Variants in CHRDL1 observed in about 807,000 individuals in gnomAD.
CHRDL1 encodes chordin-like protein 1.
Under a neutral mutation model 40.9 loss-of-function variants are expected in CHRDL1, and 19 were observed. The ratio of observed to expected loss-of-function variants is 0.46; its 90% CI spans 0.32 to 0.68. The LOEUF (loss-of-function observed/expected upper bound fraction) is 0.68, where lower values mean the gene tolerates loss of function less well. Among genes scored for constraint, CHRDL1 ranks in the 30% least tolerant of loss-of-function variants. The pLI is 0.03. For synonymous variants in CHRDL1, 136 were observed against 123.4 expected (o/e 1.10, Z -0.68); for missense variants, 329 against 352.1 (o/e 0.93, Z 0.53).
At chrX:110,775,784 C>CT (rs894195009) in intron 2 of CHRDL1, among the ~76,000 whole-genome samples, 56 of 105,158 alleles carry the variant, frequency 5.3e-4, no homozygotes, top group Admixed American at 1.4e-3. Context: ...TTTTTTGTTA[C>CT]TTTTTTTTTT....
Position 110,783,669 on chromosome X carries a change from G to A in CHRDL1, c.94+8419C>T, listed in dbSNP as rs868355499. Among the ~76,000 whole-genome samples the A allele has an allele frequency of 1.9e-4, 21 of 111,827 alleles. No homozygotes were observed. In the Middle Eastern group the frequency reaches 0.014, roughly 74 times the overall value. ...GGAATTCCAACTAACTTGTGAGATG[G>A]ACCTTCAACCTGCAACATCACAGCT... is the stretch of plus-strand genomic sequence containing the variant. On this transcript the variant is annotated intron_variant, in intron 2 of 11. Coordinates refer to ENST00000372042, the MANE Select transcript of CHRDL1 (RefSeq NM_001143981.2).
intron 4 of CHRDL1, among the ~76,000 whole-genome samples, chrX:110,746,289 C>A (rs1424942712): frequency 3.6e-5 from 4 of 110,938 alleles, no homozygotes; most frequent in African/African-American, 1.3e-4. Flanking sequence ...AAGGTAGGAA[C>A]CAAACAGGAG....
intron 2 of CHRDL1, among the ~76,000 whole-genome samples, chrX:110,789,662 T>C (rs1313022332): frequency 1.8e-5 from 2 of 111,808 alleles, no homozygotes; most frequent in African/African-American, 6.5e-5. Context: ...GAAAAGTGTA[T>C]ATAATATCCT....
At chrX:110,700,590 C>A (rs184884038) in intron 7 of CHRDL1, 64 bp downstream of exon 7, 1 of 750,889 alleles carries the variant, frequency 1.3e-6, no homozygotes, top group African/African-American at 2.0e-5. Context: ...ATAGTAGCCA[C>A]GAGGAGAGGA....
chrX:110,721,605 C>T (rs1157811480), intron 4 of CHRDL1, 75 bp from the exon 5 acceptor site: 16 of 854,056 alleles, frequency 1.9e-5, no homozygotes, highest in East Asian at 3.1e-5. Context: ...CAACAGCAGA[C>T]GGGGCTGTAC....
chrX:110,770,473 A>C (rs1227363724), intron 2 of CHRDL1, among the ~76,000 whole-genome samples: 7 of 111,690 alleles, frequency 6.3e-5, no homozygotes, highest in Admixed American at 1.9e-4. Context: ...AAAGTCTCAA[A>C]TCAATATCTT....
intron 2 of CHRDL1, among the ~76,000 whole-genome samples, chrX:110,775,294 T>C (rs1272852039): frequency 9.0e-6 from 1 of 111,013 alleles, no homozygotes; most frequent in Non-Finnish European, 1.9e-5. Context: ...TGTCTATCCA[T>C]TGGGAGAGGT....
chrX:110,687,143 T>C (rs1458682525), intron 9 of CHRDL1, among the ~76,000 whole-genome samples: 1 of 111,103 alleles, frequency 9.0e-6, no homozygotes, highest in Non-Finnish European at 1.9e-5. Flanking sequence ...AAAATGCAGA[T>C]TATGATGCAG....
intron 4 of CHRDL1, among the ~76,000 whole-genome samples, chrX:110,749,225 T>C (rs908515147): frequency 1.8e-5 from 2 of 111,616 alleles, no homozygotes; most frequent in Non-Finnish European, 3.8e-5. Context: ...CTTGTGAATG[T>C]GAAGAAATCA....
At chrX:110,685,274 T>C (rs980850392) in intron 9 of CHRDL1, among the ~76,000 whole-genome samples, 10 of 111,995 alleles carry the variant, frequency 8.9e-5, no homozygotes, top group Non-Finnish European at 1.7e-4. Flanking sequence ...TCTTTCTTTT[T>C]TTGAGACAGG....
chrX:110,711,650 T>C (rs997182708), intron 6 of CHRDL1, among the ~76,000 whole-genome samples: 54 of 112,090 alleles, frequency 4.8e-4, no homozygotes, highest in African/African-American at 1.7e-3. Context: ...TCAGTTTTCT[T>C]TGATTTTGAA....
intron 4 of CHRDL1, among the ~76,000 whole-genome samples, chrX:110,754,814 C>T (rs957388661): frequency 4.5e-5 from 5 of 110,515 alleles, no homozygotes; most frequent in African/African-American, 1.6e-4. Flanking sequence ...TCCAGGAAAA[C>T]CCAAATTTAT....
chrX:110,697,412 C>G (rs1247438788), intron 7 of CHRDL1, among the ~76,000 whole-genome samples: 1 of 110,989 alleles, frequency 9.0e-6, no homozygotes, highest in Admixed American at 9.6e-5. Context: ...AATATGGGAT[C>G]TCTCTGTATT....
chrX:110,721,398 T>C lies in CHRDL1; in HGVS notation c.434A>G (p.Gln145Arg), dbSNP rs1350984805. ...GTAGGGTCTTACCGAACAGCTGCAC[T>C]GGGTGCATTGATTGGGTTGCCGATT... ...FQNRQPNQCT[Q>R]CSCSEGNVYC... Residue 145 changes from glutamine to arginine, a missense_variant, in exon 5 of 12, where the codon CAG (glutamine) becomes CGG (arginine). By Grantham distance (43) the Gln-to-Arg change is conservative (BLOSUM62 1). Transcript: ENST00000372042. 7 of 1,210,891 alleles carry C rather than the reference T, an allele frequency of 5.8e-6. No individual in the cohort carries two copies. The highest frequency in any genetic ancestry group is 7.8e-6 in the Non-Finnish European group (7 of 894,426).
At chrX:110,685,803 G>A (rs1200165721) in intron 9 of CHRDL1, among the ~76,000 whole-genome samples, 1 of 109,627 alleles carries the variant, frequency 9.1e-6, no homozygotes, top group African/African-American at 3.3e-5. Flanking sequence ...AAACAGCATT[G>A]CAGCAAAAAT....
intron 3 of CHRDL1, 41 bp downstream of exon 3, chrX:110,762,654 G>C: frequency 2.5e-6 from 2 of 793,455 alleles, no homozygotes; most frequent in Non-Finnish European, 3.8e-6. Context: ...TCGGCATGCT[G>C]AGGAGCAAAC....
chrX:110,763,373 G>A (rs889880323), intron 2 of CHRDL1, among the ~76,000 whole-genome samples: 1 of 108,673 alleles, frequency 9.2e-6, no homozygotes, highest in Non-Finnish European at 1.9e-5. Context: ...GAGATCATAC[G>A]ATGTTCGGTT....
At chrX:110,708,843 G>C (rs1744586568) in intron 6 of CHRDL1, among the ~76,000 whole-genome samples, 1 of 111,331 alleles carries the variant, frequency 9.0e-6, no homozygotes, top group Non-Finnish European at 1.9e-5. Context: ...CAGAATCTTT[G>C]CTTCTCAGAG....
Position 110,792,222 on chromosome X carries a change from G to A in CHRDL1, c.-34-7C>T. The A allele has an allele frequency of 1.2e-6, 1 of 839,469 alleles. No individual in the cohort carries two copies. 69.2% of individuals were successfully genotyped at this position (839,469 alleles called of 1,213,427 possible). A position where few individuals can be genotyped will look rare whatever the true frequency, so the allele number is the denominator to read the frequency against. On this transcript the variant is annotated splice_region_variant and splice_polypyrimidine_tract_variant and intron_variant, in intron 1 of 11. Coordinates refer to ENST00000372042, the MANE Select transcript of CHRDL1 (RefSeq NM_001143981.2). ...AGGTGACAGAACCTTCAAGCTGTTG[G>A]GAAGAAAGCAGAAAAAAGACTTAAC...
Sources: gnomAD v4.1 joint callset for allele counts (sites outside exome capture counted in the v4.1 genomes callset) on GRCh38, gnomAD v4.1.1 for gene constraint, MANE v1.5 for transcripts, NCBI Gene and HGNC (gene_info 2026-07-23, HGNC 2026-07-21) for gene names.